VIPR1: variants seen among roughly 807,000 people sequenced by gnomAD.
VIPR1 encodes the protein vasoactive intestinal polypeptide receptor 1.
Under a neutral mutation model 58.8 loss-of-function variants are expected in VIPR1, and 59 were observed. The observed-to-expected ratio is 1.00, with a 90% CI of 0.81 to 1.25. VIPR1 has a LOEUF of 1.25. Ranked by LOEUF, VIPR1 falls within the 50% of genes most tolerant of loss-of-function variation. The pLI is 0.00. For synonymous variants in VIPR1, 251 were observed against 242.1 expected (o/e 1.04, Z -0.34); for missense variants, 626 against 602.7 (o/e 1.04, Z -0.40).
rs1413461476 is a variant in VIPR1 at position 42,528,301 on chromosome 3, C to CT, written c.636+179dup. On this transcript the variant is annotated intron_variant, in intron 6 of 12. Transcript: ENST00000325123. Reference sequence around the variant, plus strand: ...CCCACCTGGCAGTACTCAAATCACACTCCCCTCCGGCAACAGGAGATGTTG... The same window carrying CT: ...CCCACCTGGCAGTACTCAAATCACACTTCCCCTCCGGCAACAGGAGATGTTG... 5 of 822,518 alleles carry CT rather than the reference C, an allele frequency of 6.1e-6. No individual in the cohort carries two copies. The East Asian group carries it at 1.1e-4, about 18-fold the overall frequency. The allele number at this position is 822,518 out of a possible 1,614,324, so 51.0% of individuals were successfully genotyped here.
chr3:42,532,644 C>T (rs1701632970), intron 10 of VIPR1: 1 of 473,520 alleles, frequency 2.1e-6, no homozygotes, highest in Admixed American at 3.3e-5. Flanking sequence ...TTGTTCATAC[C>T]ATGTGCCCAG....
At chr3:42,535,207 A>C (rs1433984804) in intron 11 of VIPR1, 103 bp downstream of exon 11, 3 of 1,600,084 alleles carry the variant, frequency 1.9e-6, no homozygotes, top group Non-Finnish European at 2.6e-6. Flanking sequence ...TTACTGTAAT[A>C]AGTATTAGAT....
intron 7 of VIPR1, 169 bp from the exon 8 acceptor site, chr3:42,531,302 G>A (rs1701533302): frequency 1.9e-5 from 13 of 696,708 alleles, no homozygotes; most frequent in Middle Eastern, 4.8e-4. Context: ...CCCCTCAGTG[G>A]AGCATCCCTC....
upstream of VIPR1, among the ~76,000 whole-genome samples, chr3:42,499,618 A>G (rs1381229707): frequency 6.6e-6 from 1 of 152,178 alleles, no homozygotes; most frequent in African/African-American, 2.4e-5. Flanking sequence ...ACATGGGGGA[A>G]CAGAGAGTAG....
chr3:42,503,170 AAGGTTTGGTACACCGT>A (rs1472899558), intron 1 of VIPR1, among the ~76,000 whole-genome samples: 1 of 151,790 alleles, frequency 6.6e-6, no homozygotes, highest in Non-Finnish European at 1.5e-5. Context: ...ATTGAGATGG[AAGGTTTGGTACACCGT>A]AGGTGAGAGG....
intron 1 of VIPR1, among the ~76,000 whole-genome samples, chr3:42,497,450 GCA>G (rs370377069): frequency 2.0e-5 from 3 of 151,622 alleles, no homozygotes; most frequent in South Asian, 2.1e-4. Context: ...GGACATACAT[GCA>G]CACACACACA....
chr3:42,527,344 T>A, intron 4 of VIPR1, 49 bp from the exon 5 acceptor site: 1 of 1,559,682 alleles, frequency 6.4e-7, no homozygotes, highest in Non-Finnish European at 8.8e-7. Context: ...ACCCCCTAGA[T>A]GAGCCTCCCA....
chr3:42,517,000 C>T (rs965889994), intron 2 of VIPR1, among the ~76,000 whole-genome samples: 1 of 152,232 alleles, frequency 6.6e-6, no homozygotes, highest in Admixed American at 6.5e-5. Context: ...TTCAGAGAAG[C>T]TGGCCCAGAA....
intron 2 of VIPR1, among the ~76,000 whole-genome samples, chr3:42,518,515 G>A (rs187509216): frequency 6.6e-6 from 1 of 152,230 alleles, no homozygotes; most frequent in Admixed American, 6.5e-5. Flanking sequence ...AAGGTGGGAG[G>A]ATCACTTGAG....
At position 42,532,233 on chromosome 3, in the gene VIPR1, A is replaced by C; in HGVS notation, c.919-9A>C. 6.2e-7 allele frequency: 1 copy of C among 1,614,122 alleles called. No individual in the cohort carries two copies. Among genetic ancestry groups the C allele is most frequent in the Non-Finnish European group, 8.5e-7 (1 of 1,179,996 alleles). Reference sequence around the variant, plus strand: ...TCTGACTGCCCGAACTCGGGTCCCCACCCACTAGGTAAACTTCATCCTGTT... The same window carrying C: ...TCTGACTGCCCGAACTCGGGTCCCCCCCCACTAGGTAAACTTCATCCTGTT... On this transcript the variant is annotated splice_polypyrimidine_tract_variant and intron_variant, in intron 9 of 12. Coordinates refer to ENST00000325123, the MANE Select transcript of VIPR1 (RefSeq NM_004624.4).
At chr3:42,511,485 C>CTAGA (rs575669959) in intron 1 of VIPR1, among the ~76,000 whole-genome samples, 3 of 152,260 alleles carry the variant, frequency 2.0e-5, no homozygotes, top group Admixed American at 2.0e-4. Flanking sequence ...ACTCCATGAA[C>CTAGA]TAGAGGTAGG....
intron 1 of VIPR1, among the ~76,000 whole-genome samples, chr3:42,490,803 G>A (rs1257150466): frequency 1.3e-5 from 2 of 152,122 alleles, no homozygotes; most frequent in Non-Finnish European, 2.9e-5. Context: ...GAATACCGGG[G>A]AAGAGCATTC....
intron 8 of VIPR1, 31 bp downstream of exon 8, chr3:42,531,562 C>T (rs781736341): frequency 1.7e-5 from 27 of 1,589,660 alleles, no homozygotes; most frequent in African/African-American, 6.7e-5. Context: ...CTCCCCCGGC[C>T]GCCATCACTT....
At chr3:42,513,072 C>A in intron 1 of VIPR1, 1 of 666,070 alleles carries the variant, frequency 1.5e-6, no homozygotes, top group Non-Finnish European at 1.9e-6. Context: ...GCAGGGGAGG[C>A]CTGGTGGGAT....
At chr3:42,519,108 T>C in intron 2 of VIPR1, 115 bp from the exon 3 acceptor site, 1 of 819,154 alleles carries the variant, frequency 1.2e-6, no homozygotes, top group East Asian at 3.3e-5. Flanking sequence ...TGGAGGCTCC[T>C]TGAGGTGGGA....
intron 1 of VIPR1, among the ~76,000 whole-genome samples, chr3:42,494,791 G>A (rs1699727824): frequency 1.3e-5 from 2 of 151,876 alleles, no homozygotes; most frequent in South Asian, 4.2e-4. Context: ...AGTATATTTA[G>A]CTGTTAACTT....
chr3:42,497,544 C>G (rs768561786), intron 1 of VIPR1, among the ~76,000 whole-genome samples: 1 of 152,186 alleles, frequency 6.6e-6, no homozygotes, highest in Non-Finnish European at 1.5e-5. Flanking sequence ...CAGTCCTCCC[C>G]TTTAGAGTCT....
intron 7 of VIPR1, 199 bp from the exon 8 acceptor site, chr3:42,531,272 C>T: frequency 1.6e-6 from 1 of 638,246 alleles, no homozygotes; most frequent in Non-Finnish European, 2.8e-6. Flanking sequence ...AGACACAGCC[C>T]TTCAGGCATA....
chr3:42,496,282 G>A (rs1272410231), intron 1 of VIPR1, among the ~76,000 whole-genome samples: 1 of 152,122 alleles, frequency 6.6e-6, no homozygotes, highest in Non-Finnish European at 1.5e-5. Context: ...TCTCTTTGCA[G>A]AGGTAACTAA....
Sources: gnomAD v4.1 joint callset for allele counts (sites outside exome capture counted in the v4.1 genomes callset) on GRCh38, gnomAD v4.1.1 for gene constraint, MANE v1.5 for transcripts, NCBI Gene and HGNC (gene_info 2026-07-23, HGNC 2026-07-21) for gene names.